Variants in CFAP299 observed in about 807,000 individuals in gnomAD.
CFAP299 encodes the protein cilia- and flagella-associated protein 299.
In CFAP299, 21 loss-of-function variants were observed where a neutral mutation model predicts 27.0. That is an observed-to-expected ratio of 0.78 (90% CI 0.55 to 1.12). CFAP299 has a LOEUF of 1.12. CFAP299 is among the 50% of genes most tolerant of loss of function. The pLI, the probability that CFAP299 is intolerant of heterozygous loss-of-function variation, is 0.00. For missense variants in CFAP299, 310 were observed against 276.6 expected, an observed-to-expected ratio of 1.12 and a Z score of -0.86; for synonymous variants, 104 against 98.1, an observed-to-expected ratio of 1.06 and a Z score of -0.36.
At chr4:80,899,414 A>G (rs185760889) in intron 4 of CFAP299, among the ~76,000 whole-genome samples, 3 of 152,296 alleles carry the variant, frequency 2.0e-5, no homozygotes, top group Admixed American at 6.5e-5. Flanking sequence ...AGCCAATTTT[A>G]TATGTTGGGA....
At chr4:80,373,858 A>C (rs527921539) in intron 2 of CFAP299, among the ~76,000 whole-genome samples, 28 of 152,186 alleles carry the variant, frequency 1.8e-4, no homozygotes, top group Non-Finnish European at 3.2e-4. Context: ...TGAACTTCTT[A>C]ATGATTCTGA....
chr4:80,543,123 T>A (rs1046056719), intron 2 of CFAP299, among the ~76,000 whole-genome samples: 1 of 152,126 alleles, frequency 6.6e-6, no homozygotes, highest in Admixed American at 6.5e-5. Flanking sequence ...TCTGAAAGTA[T>A]CTAGAAACAG....
intron 3 of CFAP299, among the ~76,000 whole-genome samples, chr4:80,762,273 T>G (rs1485652772): frequency 6.6e-6 from 1 of 152,058 alleles, no homozygotes; most frequent in African/African-American, 2.4e-5. Flanking sequence ...CCATAGAAAT[T>G]CTGACAGGAG....
rs530713734 is a variant in CFAP299, at chr4:80,875,133, T to C, written c.476+4998T>C. ...ATTAAGCAACACTCTTCTGGTCTAC[T>C]TGTCCCCAACCCAGAGGCTCAATCT... is the stretch of plus-strand genomic sequence containing the variant. On this transcript the variant is annotated intron_variant, in intron 4 of 5. Coordinates refer to ENST00000358105, the MANE Select transcript of CFAP299 (RefSeq NM_152770.3). Among the ~76,000 whole-genome samples, 3 of 152,278 alleles carry C rather than the reference T, an allele frequency of 2.0e-5. No individual in the cohort carries two copies. The South Asian group carries it at 6.2e-4, about 32-fold the overall frequency.
At chr4:80,392,092 T>G (rs1388751654) in intron 2 of CFAP299, among the ~76,000 whole-genome samples, 1 of 152,218 alleles carries the variant, frequency 6.6e-6, no homozygotes, top group Non-Finnish European at 1.5e-5. Context: ...TTACAGGCCT[T>G]TCTTTGGCCT....
intron 2 of CFAP299, among the ~76,000 whole-genome samples, chr4:80,545,468 A>ACATCT (rs1734182627): frequency 6.6e-6 from 1 of 152,138 alleles, no homozygotes; most frequent in South Asian, 2.1e-4. Flanking sequence ...ACTATTACAA[A>ACATCT]CATCTCTGTG....
At chr4:80,465,681 A>T (rs1729665868) in intron 2 of CFAP299, among the ~76,000 whole-genome samples, 1 of 152,222 alleles carries the variant, frequency 6.6e-6, no homozygotes, top group Admixed American at 6.5e-5. Context: ...AAGAGAAAAA[A>T]ACCAAAAGAG....
intron 4 of CFAP299, among the ~76,000 whole-genome samples, chr4:80,886,399 C>T (rs558338012): frequency 8.5e-5 from 13 of 152,160 alleles, no homozygotes; most frequent in Non-Finnish European, 1.8e-4. Context: ...ACCCACAGTT[C>T]CACATAGTGC....
At chr4:80,388,724 C>T (rs1725167463) in intron 2 of CFAP299, 2 of 647,216 alleles carry the variant, frequency 3.1e-6, no homozygotes, top group East Asian at 2.8e-5. Flanking sequence ...CATCTTGGAG[C>T]CCCTATATTT....
intron 5 of CFAP299, among the ~76,000 whole-genome samples, chr4:80,954,461 T>C (rs1737948076): frequency 6.6e-6 from 1 of 152,066 alleles, no homozygotes; most frequent in African/African-American, 2.4e-5. Flanking sequence ...GAAAGAAAAA[T>C]CTCATGTTGA....
intron 3 of CFAP299, among the ~76,000 whole-genome samples, chr4:80,646,978 AGAGAGAGAGAGTGTGTGT>A (rs1429855808): frequency 3.1e-5 from 2 of 64,026 alleles, no homozygotes; most frequent in African/African-American, 7.3e-5. Context: ...TGAGAGAGAG[AGAGAGAGAGAGTGTGTGT>A]GTGTGTGTGT....
intron 3 of CFAP299, among the ~76,000 whole-genome samples, chr4:80,680,858 A>G (rs1719791159): frequency 1.3e-5 from 2 of 152,174 alleles, no homozygotes; most frequent in South Asian, 4.1e-4. Context: ...AAGGATGTAA[A>G]AGAGAAGCCT....
intron 5 of CFAP299, among the ~76,000 whole-genome samples, chr4:80,956,058 G>C (rs922509125): frequency 6.6e-6 from 1 of 152,162 alleles, no homozygotes; most frequent in Non-Finnish European, 1.5e-5. Context: ...ATTGATATGA[G>C]AATTTCCCAC....
intron 3 of CFAP299, among the ~76,000 whole-genome samples, chr4:80,797,060 A>G (rs1423950268): frequency 6.6e-6 from 1 of 152,158 alleles, no homozygotes; most frequent in African/African-American, 2.4e-5. Context: ...TTTTAACTAG[A>G]GAACCACAAT....
At chr4:80,789,335 A>T (rs1280885886) in intron 3 of CFAP299, among the ~76,000 whole-genome samples, 2 of 152,014 alleles carry the variant, frequency 1.3e-5, no homozygotes, top group African/African-American at 4.8e-5. Context: ...CCAAGAAGAA[A>T]CTGACTTATT....
rs892057453 is a variant in CFAP299, at chr4:80,735,570, G to A, written c.334-134423G>A. 8.6e-5 allele frequency among the ~76,000 whole-genome samples: 13 copies of A among 152,026 alleles called. No individual in the cohort carries two copies. The East Asian group carries it at 2.5e-3, about 29-fold the overall frequency. ...CTATTCAATAAGATACTAGCTGTGG[G>A]TCTATCATATATGGCTTTTATTATG... On this transcript the variant is annotated intron_variant, in intron 3 of 5. Transcript: ENST00000358105.
chr4:80,775,215 G>A (rs1726462256), intron 3 of CFAP299, among the ~76,000 whole-genome samples: 3 of 151,780 alleles, frequency 2.0e-5, no homozygotes, highest in African/African-American at 7.2e-5. Flanking sequence ...AAATAAATAT[G>A]CTTCTAATTA....
At chr4:80,578,647 A>G (rs1006415245) in intron 2 of CFAP299, among the ~76,000 whole-genome samples, 12 of 152,308 alleles carry the variant, frequency 7.9e-5, no homozygotes, top group African/African-American at 2.9e-4. Flanking sequence ...ATGATACAGT[A>G]TGATTGCTTT....
chr4:80,380,422 A>ATTTTTTTT (rs10701207), intron 2 of CFAP299, among the ~76,000 whole-genome samples: 5 of 96,132 alleles, frequency 5.2e-5, no homozygotes, highest in South Asian at 3.9e-4. Flanking sequence ...TGTGTCTCAC[A>ATTTTTTTT]TTTTTTTTTT....
Sources: allele counts gnomAD v4.1 joint callset (sites outside exome capture counted in the v4.1 genomes callset), GRCh38; gene constraint gnomAD v4.1.1; transcripts MANE v1.5; gene names NCBI Gene and HGNC (gene_info 2026-07-23, HGNC 2026-07-21).